SGCD: variants seen among roughly 807,000 people sequenced by gnomAD.
The protein encoded by SGCD is delta-sarcoglycan.
SGCD carries 18 observed loss-of-function variants against 36.6 expected under a neutral mutation model. That is an observed-to-expected ratio of 0.49 (90% confidence interval 0.34 to 0.73). SGCD has a LOEUF of 0.73. SGCD is among the 30% of genes least tolerant of loss of function. SGCD has a pLI of 0.01. For synonymous variants in SGCD, 133 were observed against 130.6 expected, an observed-to-expected ratio of 1.02 and a Z score of -0.12; for missense variants, 387 against 346.7, an observed-to-expected ratio of 1.12 and a Z score of -0.92.
chr5:156,739,292 C>T (rs1211678361), intron 7 of SGCD, among the ~76,000 whole-genome samples: 1 of 152,132 alleles, frequency 6.6e-6, no homozygotes, highest in Non-Finnish European at 1.5e-5. Context: ...GCATTGCATT[C>T]AACACGAGGC....
Position 156,553,057 on chromosome 5 carries a change from G to A in SGCD, c.295-36174G>A, listed in dbSNP as rs149067244. 2.2e-3 allele frequency among the ~76,000 whole-genome samples: 339 copies of A among 152,268 alleles called. 1 individual carries two copies. The highest frequency in any genetic ancestry group is 7.7e-3 in the African/African-American group (318 of 41,548). ...CTCAGGCTGCTTCCAAAAGGCGAAG[G>A]GCAGCCAGCGTGTGTGGAGATCACA... On this transcript the variant is annotated intron_variant, in intron 4 of 8. Transcript: ENST00000337851.
chr5:156,475,690 C>A (rs1021738812), intron 3 of SGCD, among the ~76,000 whole-genome samples: 1 of 152,136 alleles, frequency 6.6e-6, no homozygotes, highest in Non-Finnish European at 1.5e-5. Context: ...CCCAGACAAA[C>A]CAACAGCTGC....
intron 3 of SGCD, among the ~76,000 whole-genome samples, chr5:156,499,232 T>C (rs983973580): frequency 1.3e-5 from 2 of 152,190 alleles, no homozygotes; most frequent in Non-Finnish European, 2.9e-5. Context: ...GTGCAGACCA[T>C]GTGCTTTGTC....
chr5:156,411,857 T>A (rs989622854), intron 3 of SGCD, among the ~76,000 whole-genome samples: 1 of 152,246 alleles, frequency 6.6e-6, no homozygotes, highest in Non-Finnish European at 1.5e-5. Context: ...AATTATTTTG[T>A]CCTTCTTGCT....
In SGCD at chr5:156,106,232, C is replaced by A. The variant is rs1761646131; in HGVS notation, c.-281-11646C>A. 2.0e-5 allele frequency among the ~76,000 whole-genome samples: 3 copies of A among 150,198 alleles called. No individual in the cohort carries two copies. In the East Asian group the frequency reaches 5.9e-4, roughly 29 times the overall value. On this transcript the variant is annotated intron_variant, in intron 1 of 9. Coordinates refer to the SGCD transcript ENST00000517913. ...ATGTGTAGGGACAGGACCTCAAAAC[C>A]AGAATTGAAATCATTTAAATGGAAA...
chr5:156,704,626 A>T (rs1431344617), intron 7 of SGCD, among the ~76,000 whole-genome samples: 1 of 152,182 alleles, frequency 6.6e-6, no homozygotes. Context: ...ATTATATATA[A>T]AAATATCTTG....
chr5:156,491,758 C>T (rs256846), intron 3 of SGCD, among the ~76,000 whole-genome samples: 25,409 of 152,066 alleles, frequency 0.17, 2,632 homozygotes, highest in East Asian at 0.23. Flanking sequence ...CTATGCCCAA[C>T]ATGTTTTCAT....
chr5:155,936,675 G>A (rs768851462), intron 1 of SGCD, among the ~76,000 whole-genome samples: 1 of 152,218 alleles, frequency 6.6e-6, no homozygotes, highest in Non-Finnish European at 1.5e-5. Flanking sequence ...CCACGGAACT[G>A]GCAGTCCGGC....
chr5:156,095,665 T>A (rs988306900), intron 1 of SGCD, among the ~76,000 whole-genome samples: 5 of 151,822 alleles, frequency 3.3e-5, no homozygotes, highest in South Asian at 2.1e-4. Context: ...GTGAGCAAGA[T>A]AAGAAAAGGA....
At chr5:156,502,724 AC>A (rs2127865534) in intron 3 of SGCD, among the ~76,000 whole-genome samples, 1 of 152,274 alleles carries the variant, frequency 6.6e-6, no homozygotes, top group South Asian at 2.1e-4. Context: ...TCTTAATAAT[AC>A]CCAAAACTTC....
rs78595422 is a variant in SGCD at position 156,255,919 on chromosome 5, G to A, written c.-43-73615G>A. Among the ~76,000 whole-genome samples the A allele has an allele frequency of 7.9e-3, 1,189 of 151,348 alleles. 8 individuals are homozygous for A. The highest frequency in any genetic ancestry group is 0.023 in the African/African-American group (934 of 41,300). On this transcript the variant is annotated intron_variant, in intron 3 of 9. Transcript: ENST00000517913. The stretch of plus-strand genomic sequence containing the variant: ...ATCTTTTTTCTAAACTTGTAAGCTG[G>A]ACACTTAGTTCAATAATTTTGAGAC...
intron 7 of SGCD, among the ~76,000 whole-genome samples, chr5:156,694,569 A>G (rs781251695): frequency 1.3e-5 from 2 of 152,226 alleles, no homozygotes; most frequent in African/African-American, 4.8e-5. Flanking sequence ...TATTATTAAC[A>G]GAAGTTTTTA....
At chr5:155,910,484 G>A (rs1234856531) in intron 1 of SGCD, among the ~76,000 whole-genome samples, 2 of 152,078 alleles carry the variant, frequency 1.3e-5, no homozygotes, top group Non-Finnish European at 2.9e-5. Context: ...TCCCAAGAAG[G>A]TCATTAGATC....
At chr5:156,436,677 A>G (rs1461018709) in intron 3 of SGCD, among the ~76,000 whole-genome samples, 1 of 152,208 alleles carries the variant, frequency 6.6e-6, no homozygotes, top group African/African-American at 2.4e-5. Flanking sequence ...TTCCTATTAT[A>G]TCATGCTCCT....
At chr5:155,797,168 A>G in the SGCD span, among the ~76,000 whole-genome samples, 1 of 152,312 alleles carries the variant, frequency 6.6e-6, no homozygotes, top group Admixed American at 6.5e-5. Flanking sequence ...AACTAGCAAA[A>G]GGAAAGCAGA....
chr5:156,545,843 A>G (rs1404362430), intron 4 of SGCD, among the ~76,000 whole-genome samples: 1 of 152,146 alleles, frequency 6.6e-6, no homozygotes, highest in Admixed American at 6.5e-5. Flanking sequence ...AATACTGGGG[A>G]CATTCAAAGA....
chr5:155,944,171 G>A (rs1018188381), intron 1 of SGCD, among the ~76,000 whole-genome samples: 1 of 152,094 alleles, frequency 6.6e-6, no homozygotes, highest in African/African-American at 2.4e-5. Context: ...TCCTCTAATT[G>A]TGCACTAGCT....
chr5:156,611,103 A>G (rs948595933), intron 6 of SGCD, among the ~76,000 whole-genome samples: 6 of 152,314 alleles, frequency 3.9e-5, no homozygotes, highest in Non-Finnish European at 8.8e-5. Context: ...CTCAGTTGGA[A>G]ATGCAGAAAT....
chr5:156,206,610 C>A (rs1044932989), intron 3 of SGCD, among the ~76,000 whole-genome samples: 1 of 151,990 alleles, frequency 6.6e-6, no homozygotes, highest in Non-Finnish European at 1.5e-5. Context: ...GGTTAAATGG[C>A]TTTATGTAAC....
Sources: gnomAD v4.1 joint callset for allele counts (sites outside exome capture counted in the v4.1 genomes callset) on GRCh38, gnomAD v4.1.1 for gene constraint, MANE v1.5 for transcripts, NCBI Gene and HGNC (gene_info 2026-07-23, HGNC 2026-07-21) for gene names.